FAM20A: variants seen among roughly 807,000 people sequenced by gnomAD.
The protein encoded by FAM20A is FAM20A golgi associated secretory pathway pseudokinase.
In FAM20A, 42 loss-of-function variants were observed where a neutral mutation model predicts 52.0. That is an observed-to-expected ratio of 0.81 (90% CI 0.63 to 1.04). The LOEUF is 1.04. Ranked by LOEUF, FAM20A falls within the 50% of genes least tolerant of loss-of-function variation. FAM20A has a pLI of 0.00. For missense variants in FAM20A, 742 were observed against 712.7 expected (o/e 1.04, Z -0.47); for synonymous variants, 304 against 298.9 (o/e 1.02, Z -0.18).
In FAM20A at chr17:68,541,678, C is replaced by G. The variant is rs574962230; in HGVS notation, c.1109+307G>C. The stretch of plus-strand genomic sequence containing the variant: ...TATAGCAAGTGCTGTGCTGTGTTTT[C>G]GTGATCTGGCTACATGTCTGTTCTC... On this transcript the variant is annotated intron_variant, in intron 7 of 10. Coordinates refer to ENST00000592554, the MANE Select transcript of FAM20A (RefSeq NM_017565.4). 4 of 277,756 alleles carry G rather than the reference C, an allele frequency of 1.4e-5. No homozygotes were observed. The East Asian group carries it at 2.9e-4, about 20-fold the overall frequency. The allele number at this position is 277,756 out of a possible 1,614,324, so 17.2% of individuals were successfully genotyped here.
At chr17:68,581,500 C>A (rs2087996231) in intron 1 of FAM20A, among the ~76,000 whole-genome samples, 1 of 100,036 alleles carries the variant, frequency 1.0e-5, no homozygotes, top group African/African-American at 4.2e-5. Context: ...TTCTTTCTTT[C>A]TTCTTTCTCT....
At chr17:68,583,949 A>G (rs1188040047) in intron 1 of FAM20A, among the ~76,000 whole-genome samples, 1 of 152,024 alleles carries the variant, frequency 6.6e-6, no homozygotes, top group African/African-American at 2.4e-5. Flanking sequence ...GGGAGCCATT[A>G]TTCGGCCTAC....
At chr17:68,541,790 G>A (rs930901202) in intron 7 of FAM20A, 195 bp downstream of exon 7, 2 of 617,782 alleles carry the variant, frequency 3.2e-6, no homozygotes, top group Admixed American at 3.0e-5. Context: ...TATATGGAAG[G>A]TTCTTTAGAA....
At chr17:68,555,510 C>T (rs1242018554) in intron 2 of FAM20A, 49 bp downstream of exon 2, 1 of 1,603,792 alleles carries the variant, frequency 6.2e-7, no homozygotes, top group African/African-American at 1.3e-5. Context: ...TTTACCCAGA[C>T]TCTCTGGGAG....
chr17:68,547,261 T>C (rs978469247), intron 4 of FAM20A, among the ~76,000 whole-genome samples: 1 of 152,194 alleles, frequency 6.6e-6, no homozygotes, highest in African/African-American at 2.4e-5. Flanking sequence ...TTTGAATCTT[T>C]ATCATTATTA....
At chr17:68,541,489 G>A (rs918746260) in intron 7 of FAM20A, 16 of 189,582 alleles carry the variant, frequency 8.4e-5, no homozygotes, top group Non-Finnish European at 1.4e-4. Context: ...TGATCATGAC[G>A]GCTTGACTGA....
chr17:68,541,878 A>T, intron 7 of FAM20A, 107 bp downstream of exon 7: 1 of 1,350,464 alleles, frequency 7.4e-7, no homozygotes, highest in Non-Finnish European at 1.0e-6. Context: ...GCAAAGGAGT[A>T]TTGAGGCAGC....
chr17:68,567,845 C>G lies in FAM20A; in HGVS notation c.405-12102G>C, dbSNP rs573455207. Among the ~76,000 whole-genome samples, 25 of 151,998 alleles carry G rather than the reference C, an allele frequency of 1.6e-4. 1 individual carries two copies. Among genetic ancestry groups the G allele is most frequent in the African/African-American group, 6.1e-4 (25 of 41,280 alleles). On this transcript the variant is annotated intron_variant, in intron 1 of 10. Coordinates refer to ENST00000592554, the MANE Select transcript of FAM20A (RefSeq NM_017565.4). ...GATAGTGAGTGAGTTCTCAAGAGAG[C>G]TGATGGTTTTAGTGTGGCACTTCCT...
chr17:68,586,513 T>C (rs1382401938), intron 1 of FAM20A, among the ~76,000 whole-genome samples: 1 of 152,182 alleles, frequency 6.6e-6, no homozygotes, highest in African/African-American at 2.4e-5. Context: ...ATGACAAGTG[T>C]CCTTATAGGA....
chr17:68,590,931 C>A lies in FAM20A; in HGVS notation c.404+9332G>T, dbSNP rs80175922. On this transcript the variant is annotated intron_variant, in intron 1 of 10. Coordinates refer to ENST00000592554, the MANE Select transcript of FAM20A (RefSeq NM_017565.4). ...AGCCTGGCTGTATTCCCAGACCTGG[C>A]CCAATGAGCATCTTTGCCCAGGATC... 7.5e-5 allele frequency among the ~76,000 whole-genome samples: 3 copies of A among 39,858 alleles called. No homozygotes were observed. The East Asian group carries it at 2.5e-3, about 33-fold the overall frequency. 26.1% of individuals were successfully genotyped at this position (39,858 alleles called of 152,430 possible). A position where few individuals can be genotyped will look rare whatever the true frequency, so the allele number is the denominator to read the frequency against.
intron 1 of FAM20A, among the ~76,000 whole-genome samples, chr17:68,583,341 T>C (rs1183408814): frequency 6.6e-6 from 1 of 152,136 alleles, no homozygotes; most frequent in Non-Finnish European, 1.5e-5. Flanking sequence ...AAGGTAGCAA[T>C]AGGACTGTGC....
At position 68,543,632 on chromosome 17, in the gene FAM20A, T is replaced by A; in HGVS notation, c.809A>T (p.Asp270Val). The A allele has an allele frequency of 8.1e-6, 13 of 1,614,020 alleles. No homozygotes were observed. The highest frequency in any genetic ancestry group is 1.1e-5 in the Non-Finnish European group (13 of 1,179,924). ...HNAEIAAFHL[D>V]RILDFRRVPP... Reference sequence around the variant, plus strand: ...TCTCCATGGGGCCAGACCCTACCTGTCCAGATGGAAAGCTGCGATCTCAGC... The same window carrying A: ...TCTCCATGGGGCCAGACCCTACCTGACCAGATGGAAAGCTGCGATCTCAGC... The change falls in exon 5 of 11, where the codon GAC becomes GTC. Residue 270 changes from aspartate to valine, a missense_variant. Transcript: ENST00000592554.
At chr17:68,585,455 T>A (rs562566250) in intron 1 of FAM20A, among the ~76,000 whole-genome samples, 64 of 152,290 alleles carry the variant, frequency 4.2e-4, no homozygotes, top group African/African-American at 1.3e-3. Flanking sequence ...TTATTTATTT[T>A]TTTTTTAGGT....
intron 1 of FAM20A, among the ~76,000 whole-genome samples, chr17:68,562,067 A>C (rs1489205572): frequency 6.6e-6 from 1 of 152,010 alleles, no homozygotes; most frequent in African/African-American, 2.4e-5. Context: ...CAGGTGATCC[A>C]CCCGCCTTGG....
At position 68,535,808 on chromosome 17, in the gene FAM20A, A is replaced by AT. The variant is rs113263481; in HGVS notation, c.*1668dup. 4.1e-4 allele frequency: 181 copies of AT among 437,180 alleles called. No homozygotes were observed. Among genetic ancestry groups the AT allele is most frequent in the South Asian group, 2.2e-3 (138 of 61,532 alleles). The allele number at this position is 437,180 out of a possible 1,614,324, so 27.1% of individuals were successfully genotyped here. A position where few individuals can be genotyped will look rare whatever the true frequency, so the allele number is the denominator to read the frequency against. ...ACAGGTGTGAGCCCATGCCCAGCTG[A>AT]TTTTTTTTTTAAGCAAACAAATTTG... On this transcript the variant is annotated 3_prime_UTR_variant, in exon 11 of 11. Transcript: ENST00000592554.
intron 1 of FAM20A, among the ~76,000 whole-genome samples, chr17:68,573,196 G>A (rs904025937): frequency 3.3e-5 from 5 of 152,290 alleles, no homozygotes; most frequent in Middle Eastern, 3.4e-3. Flanking sequence ...CCCTCATCCC[G>A]AGTCCTGGCT....
At chr17:68,598,898 G>T (rs1011759120) in intron 1 of FAM20A, among the ~76,000 whole-genome samples, 2 of 152,136 alleles carry the variant, frequency 1.3e-5, no homozygotes, top group Non-Finnish European at 2.9e-5. Context: ...GGTTCACTAA[G>T]CCAGACTTCC....
rs776427797 is a variant in FAM20A, at chr17:68,600,297, G to A, written c.370C>T (p.Arg124Trp). The A allele has an allele frequency of 3.2e-6, 5 of 1,578,970 alleles. No homozygotes were observed. Among genetic ancestry groups the A allele is most frequent in the Non-Finnish European group, 4.3e-6 (5 of 1,162,848 alleles). ...DSLLASQEALRYYRRKVARWN... is the reference protein window; with the variant it reads ...DSLLASQEALWYYRRKVARWN... ...CGGGCCACCTTCCTCCGGTAATACC[G>A]CAGCGCCTCCTGGCTGGCCAGGAGC... Residue 124 changes from arginine (R) to tryptophan (W), a missense_variant, in exon 1 of 11, where the codon CGG becomes TGG. Physicochemically the swap from Arg to Trp is moderately radical, Grantham distance 101 (BLOSUM62 -3). Coordinates refer to ENST00000592554, the MANE Select transcript of FAM20A (RefSeq NM_017565.4). This position sits in a 1 kb window ranked among gnomAD's most constrained non-coding sequence, Gnocchi z 6.2.
At chr17:68,539,845 C>T in intron 9 of FAM20A, 40 bp downstream of exon 9, 1 of 1,597,120 alleles carries the variant, frequency 6.3e-7, no homozygotes, top group Non-Finnish European at 8.6e-7. Context: ...AGCAGCACAT[C>T]TGGGAGAGGG....
Sources: gnomAD v4.1 joint callset for allele counts (sites outside exome capture counted in the v4.1 genomes callset) on GRCh38, gnomAD v4.1.1 for gene constraint, Gnocchi (gnomAD v3.1) non-coding constraint, MANE v1.5 for transcripts, NCBI Gene and HGNC (gene_info 2026-07-23, HGNC 2026-07-21) for gene names.